The following NBEA variants were observed in gnomAD, a reference collection of about 807,000 sequenced individuals.
NBEA encodes lysosomal-trafficking regulator 2.
In NBEA, 44 loss-of-function variants were observed where a neutral mutation model predicts 343.4. The observed-to-expected ratio is 0.13, with a 90% CI of 0.10 to 0.16. NBEA has a LOEUF of 0.16. Among genes scored for constraint, NBEA ranks in the 10% least tolerant of loss-of-function variants. The pLI is 1.00. For missense variants in NBEA, 2,555 were observed against 3,631.3 expected (o/e 0.70, Z 7.62); for synonymous variants, 1,175 against 1,238.7 (o/e 0.95, Z 1.08).
intron 1 of NBEA, among the ~76,000 whole-genome samples, chr13:35,004,828 A>T (rs970446938): frequency 6.6e-6 from 1 of 152,226 alleles, no homozygotes. Flanking sequence ...GAATTTAAGC[A>T]TCGAAAAGGA....
chr13:35,469,474 C>T (rs1206515381), intron 40 of NBEA, among the ~76,000 whole-genome samples: 1 of 152,102 alleles, frequency 6.6e-6, no homozygotes, highest in East Asian at 1.9e-4. Context: ...ATTTTTTAAG[C>T]ATTATATTGC....
intron 40 of NBEA, among the ~76,000 whole-genome samples, chr13:35,464,216 C>G (rs2047053974): frequency 6.6e-6 from 1 of 152,132 alleles, no homozygotes; most frequent in Admixed American, 6.5e-5. Context: ...TTTCTGAGCT[C>G]TAATCTTTGA....
chr13:35,178,032 T>C (rs1348688940), intron 28 of NBEA, among the ~76,000 whole-genome samples: 1 of 151,548 alleles, frequency 6.6e-6, no homozygotes, highest in Non-Finnish European at 1.5e-5. Flanking sequence ...AACAGAAAAA[T>C]AGGCAATGGA....
chr13:35,424,394 C>G (rs533429403), intron 38 of NBEA, among the ~76,000 whole-genome samples: 1 of 152,272 alleles, frequency 6.6e-6, no homozygotes, highest in South Asian at 2.1e-4. Flanking sequence ...TTTTCTTCAT[C>G]TATTGAGATA....
intron 33 of NBEA, among the ~76,000 whole-genome samples, chr13:35,220,995 A>C (rs1182721980): frequency 6.6e-6 from 1 of 151,990 alleles, no homozygotes; most frequent in Non-Finnish European, 1.5e-5. Flanking sequence ...CAGTCTTCTC[A>C]GTTCTTAATT....
At chr13:35,429,653 A>G (rs1047355464) in intron 38 of NBEA, among the ~76,000 whole-genome samples, 1 of 152,072 alleles carries the variant, frequency 6.6e-6, no homozygotes, top group Non-Finnish European at 1.5e-5. Flanking sequence ...TTTCTGGGGA[A>G]CAGGCAGTAT....
chr13:34,945,352 A>C (rs1215238525), intron 1 of NBEA, among the ~76,000 whole-genome samples: 1 of 152,128 alleles, frequency 6.6e-6, no homozygotes, highest in Non-Finnish European at 1.5e-5. Flanking sequence ...ATTTTCTTGA[A>C]CTGTAGATTT....
At chr13:35,065,522 A>G (rs1056353231) in intron 8 of NBEA, among the ~76,000 whole-genome samples, 1 of 151,878 alleles carries the variant, frequency 6.6e-6, no homozygotes, top group Non-Finnish European at 1.5e-5. Flanking sequence ...TTGTTCTTGT[A>G]CTATACTTTT....
intron 40 of NBEA, among the ~76,000 whole-genome samples, chr13:35,465,269 C>A (rs1314194948): frequency 6.6e-6 from 1 of 152,094 alleles, no homozygotes; most frequent in African/African-American, 2.4e-5. Flanking sequence ...TTCAATTCCA[C>A]AAACACAGAT....
At chr13:35,653,777 A>G (rs1940588961) in intron 53 of NBEA, among the ~76,000 whole-genome samples, 1 of 152,210 alleles carries the variant, frequency 6.6e-6, no homozygotes, top group Non-Finnish European at 1.5e-5. Context: ...TAAGAATATT[A>G]TTAGTCTAGT....
intron 11 of NBEA, among the ~76,000 whole-genome samples, chr13:35,103,177 G>C (rs1276188150): frequency 6.6e-6 from 1 of 151,526 alleles, no homozygotes; most frequent in Non-Finnish European, 1.5e-5. Flanking sequence ...TTATTTTTCA[G>C]ATTTTAAACC....
At chr13:34,979,913 C>G (rs1206507449) in intron 1 of NBEA, among the ~76,000 whole-genome samples, 1 of 152,042 alleles carries the variant, frequency 6.6e-6, no homozygotes, top group African/African-American at 2.4e-5. Flanking sequence ...GTTCAGATTT[C>G]TTTTTTCATA....
chr13:35,413,810 A>G (rs1199231923), intron 38 of NBEA, among the ~76,000 whole-genome samples: 2 of 152,144 alleles, frequency 1.3e-5, no homozygotes, highest in South Asian at 2.1e-4. Flanking sequence ...ATGATGCTCA[A>G]TGTTTCTGTA....
At chr13:35,605,636 C>G (rs560845431) in intron 47 of NBEA, among the ~76,000 whole-genome samples, 49 of 152,112 alleles carry the variant, frequency 3.2e-4, no homozygotes, top group Non-Finnish European at 6.0e-4. Flanking sequence ...TAAAAAACAA[C>G]AAAAACTTTC....
intron 33 of NBEA, among the ~76,000 whole-genome samples, chr13:35,230,716 G>A (rs2074921781): frequency 6.6e-6 from 1 of 151,896 alleles, no homozygotes; most frequent in African/African-American, 2.4e-5. Context: ...TGCTTATTCG[G>A]TGACTTCAGG....
At chr13:35,203,245 T>A (rs1184280067) in intron 31 of NBEA, among the ~76,000 whole-genome samples, 1 of 152,140 alleles carries the variant, frequency 6.6e-6, no homozygotes, top group Non-Finnish European at 1.5e-5. Flanking sequence ...CTCAGCCCTC[T>A]TACTTATCTC....
At chr13:35,419,227 C>A (rs1370357455) in intron 38 of NBEA, among the ~76,000 whole-genome samples, 1 of 151,996 alleles carries the variant, frequency 6.6e-6, no homozygotes, top group African/African-American at 2.4e-5. Context: ...TTATTTCTTG[C>A]AGTTCTAGAA....
chr13:35,513,647 A>G (rs1200508559), intron 41 of NBEA, among the ~76,000 whole-genome samples: 1 of 151,988 alleles, frequency 6.6e-6, no homozygotes, highest in Non-Finnish European at 1.5e-5. Flanking sequence ...AAGTCACTTT[A>G]TATCTTTTCA....
chr13:34,982,376 T>C (rs2060386726), intron 1 of NBEA, among the ~76,000 whole-genome samples: 1 of 152,110 alleles, frequency 6.6e-6, no homozygotes, highest in South Asian at 2.1e-4. Context: ...CTCAGCTCAC[T>C]GCAACCCCTG....
Sources: gnomAD v4.1 joint callset for allele counts (sites outside exome capture counted in the v4.1 genomes callset) on GRCh38, gnomAD v4.1.1 for gene constraint, MANE v1.5 for transcripts, NCBI Gene and HGNC (gene_info 2026-07-23, HGNC 2026-07-21) for gene names.